PPFIA2: variants seen among roughly 807,000 people sequenced by gnomAD.
The protein encoded by PPFIA2 is PPFI scaffold protein A2, also known as liprin-alpha-2.
In PPFIA2, 46 loss-of-function variants were observed where a neutral mutation model predicts 175.5. The ratio of observed to expected loss-of-function variants is 0.26; its 90% CI spans 0.21 to 0.34. The LOEUF (loss-of-function observed/expected upper bound fraction) is 0.34, where lower values mean the gene tolerates loss of function less well. Ranked by LOEUF, PPFIA2 falls within the 10% of genes least tolerant of loss-of-function variation. The pLI, the probability that PPFIA2 is intolerant of heterozygous loss-of-function variation, is 1.00. For missense variants in PPFIA2, 1,179 were observed against 1,506.1 expected (o/e 0.78, Z 3.60); for synonymous variants, 568 against 511.4 (o/e 1.11, Z -1.49).
intron 7 of PPFIA2, among the ~76,000 whole-genome samples, chr12:81,416,909 A>G (rs2045380620): frequency 6.6e-6 from 1 of 151,926 alleles, no homozygotes; most frequent in Non-Finnish European, 1.5e-5. Context: ...TTTATAAAGC[A>G]GGAAACATGC....
Position 81,742,789 on chromosome 12 carries a change from A to G in PPFIA2, c.249+11184T>C, listed in dbSNP as rs73348364. Among the ~76,000 whole-genome samples the G allele has an allele frequency of 6.4e-3, 976 of 152,272 alleles. 10 individuals are homozygous for G. Among genetic ancestry groups the G allele is most frequent in the African/African-American group, 0.023 (937 of 41,546 alleles). On this transcript the variant is annotated intron_variant, in intron 3 of 32. Transcript: ENST00000549396. ...GCCAGGAAGATGGCAAGTGAACGAT[A>G]ATAAAGACTGAAAAGTGGCCAAAAA... is the stretch of plus-strand genomic sequence containing the variant.
intron 22 of PPFIA2, among the ~76,000 whole-genome samples, chr12:81,305,472 A>T (rs1442767702): frequency 6.6e-6 from 1 of 152,116 alleles, no homozygotes; most frequent in Non-Finnish European, 1.5e-5. Context: ...GTCATTCTTG[A>T]TCTGCCCCTA....
intron 15 of PPFIA2, among the ~76,000 whole-genome samples, chr12:81,360,928 C>A (rs2029875611): frequency 6.6e-6 from 1 of 151,530 alleles, no homozygotes; most frequent in South Asian, 2.1e-4. Context: ...ATCATTTATG[C>A]ATATTTAGGT....
intron 24 of PPFIA2, chr12:81,294,439 TAGGAAGGA>T (rs141474237): frequency 0.26 from 30,841 of 116,422 alleles, 4,399 homozygotes; most frequent in East Asian, 0.46. Context: ...GGAAGGTAGG[TAGGAAGGA>T]AGGAAGGAAG....
chr12:81,684,320 A>T (rs1377604275), intron 3 of PPFIA2, among the ~76,000 whole-genome samples: 1 of 152,106 alleles, frequency 6.6e-6, no homozygotes, highest in Non-Finnish European at 1.5e-5. Flanking sequence ...GTCCAGAGAA[A>T]TGGTGGTACA....
At chr12:81,406,715 G>T (rs1356116264) in intron 7 of PPFIA2, among the ~76,000 whole-genome samples, 1 of 151,598 alleles carries the variant, frequency 6.6e-6, no homozygotes, top group Non-Finnish European at 1.5e-5. Context: ...TTATATTAAT[G>T]CTGTAACTTA....
At chr12:81,445,771 T>C in intron 5 of PPFIA2, 51 bp from the exon 6 acceptor site, 2 of 1,522,500 alleles carry the variant, frequency 1.3e-6, no homozygotes, top group South Asian at 2.4e-5. Context: ...AAGTCATAAA[T>C]ACTTACAAAT....
rs193084427 is a variant in PPFIA2 at position 81,364,387 on chromosome 12, G to C, written c.1546-1603C>G. Among the ~76,000 whole-genome samples the C allele has an allele frequency of 4.9e-4, 75 of 151,756 alleles. 1 individual carries two copies. The highest frequency in any genetic ancestry group is 1.8e-3 in the African/African-American group (75 of 41,454). ...GATTTTAAAAAATTATTTTATTTAT[G>C]TATTTATTTATTTAAAGACAGGGTC... On this transcript the variant is annotated intron_variant, in intron 14 of 32. Transcript: ENST00000549396.
At chr12:81,610,453 T>G (rs1010150343) in intron 4 of PPFIA2, among the ~76,000 whole-genome samples, 1 of 152,222 alleles carries the variant, frequency 6.6e-6, no homozygotes, top group African/African-American at 2.4e-5. Context: ...AATTCCTTTT[T>G]GACTTAGTTG....
chr12:81,462,585 C>CATATATATATATATATATACAT (rs1555402549), intron 4 of PPFIA2, among the ~76,000 whole-genome samples: 102 of 124,664 alleles, frequency 8.2e-4, no homozygotes, highest in East Asian at 3.2e-3. Context: ...TATATATATA[C>CATATATATATATATATATACAT]ATATATATAT....
intron 3 of PPFIA2, among the ~76,000 whole-genome samples, chr12:81,728,224 C>T (rs2080350287): frequency 6.6e-6 from 1 of 151,346 alleles, no homozygotes; most frequent in African/African-American, 2.4e-5. Flanking sequence ...TATTTGATAT[C>T]TCTCCACCAA....
chr12:81,539,791 C>T (rs1594706263), intron 4 of PPFIA2, among the ~76,000 whole-genome samples: 1 of 151,926 alleles, frequency 6.6e-6, no homozygotes, highest in Non-Finnish European at 1.5e-5. Flanking sequence ...AAGCACTCCA[C>T]CTTTAGATGC....
rs2045063901 is a variant in PPFIA2 at position 81,415,561 on chromosome 12, TCA to T, written c.646-9660_646-9659del. Among the ~76,000 whole-genome samples the T allele has an allele frequency of 2.7e-5, 4 of 148,910 alleles. No homozygotes were observed. In the South Asian group the frequency reaches 8.6e-4, roughly 32 times the overall value. On this transcript the variant is annotated intron_variant, in intron 7 of 32. Coordinates refer to ENST00000549396, the MANE Select transcript of PPFIA2 (RefSeq NM_003625.5). ...ATCTAAATACACATGGAATTCAAAC[TCA>T]GTTAGTTTATAATGATTAAAAAATC...
At position 81,442,706 on chromosome 12, in the gene PPFIA2, A is replaced by G. The variant is rs558178073; in HGVS notation, c.571-2660T>C. Among the ~76,000 whole-genome samples the G allele has an allele frequency of 1.9e-3, 286 of 150,194 alleles. 1 individual carries two copies. The highest frequency in any genetic ancestry group is 6.7e-3 in the African/African-American group (277 of 41,092). ...TAAATAATTGGACATTAATGATGAA[A>G]ATTATGAATCACTGCAACTCTCTAC... On this transcript the variant is annotated intron_variant, in intron 6 of 32. Coordinates refer to ENST00000549396, the MANE Select transcript of PPFIA2 (RefSeq NM_003625.5).
intron 11 of PPFIA2, among the ~76,000 whole-genome samples, chr12:81,369,592 G>A (rs1186995334): frequency 6.6e-6 from 1 of 151,772 alleles, no homozygotes; most frequent in African/African-American, 2.4e-5. Flanking sequence ...ATTCTATTTA[G>A]CAATAGAAAG....
chr12:81,667,976 G>T (rs1011847869), intron 4 of PPFIA2, among the ~76,000 whole-genome samples: 1 of 151,984 alleles, frequency 6.6e-6, no homozygotes, highest in East Asian at 1.9e-4. Flanking sequence ...AGTTTTATAA[G>T]ACTGGTGACT....
At chr12:81,385,241 C>G (rs1054283353) in intron 8 of PPFIA2, among the ~76,000 whole-genome samples, 1 of 151,954 alleles carries the variant, frequency 6.6e-6, no homozygotes, top group Non-Finnish European at 1.5e-5. Context: ...AAAATGGAAC[C>G]CTTGTATGCT....
At chr12:81,455,446 A>G (rs1566907208) in intron 5 of PPFIA2, among the ~76,000 whole-genome samples, 1 of 152,212 alleles carries the variant, frequency 6.6e-6, no homozygotes, top group Non-Finnish European at 1.5e-5. Context: ...ATATTTTCAA[A>G]GTAACTATTA....
At chr12:81,555,663 T>C (rs1791177579) in intron 4 of PPFIA2, among the ~76,000 whole-genome samples, 1 of 152,020 alleles carries the variant, frequency 6.6e-6, no homozygotes, top group Non-Finnish European at 1.5e-5. Context: ...ACAATTTCTT[T>C]TTATAGAGGA....
Sources: allele counts gnomAD v4.1 joint callset (sites outside exome capture counted in the v4.1 genomes callset), GRCh38; gene constraint gnomAD v4.1.1; transcripts MANE v1.5; gene names NCBI Gene and HGNC (gene_info 2026-07-23, HGNC 2026-07-21).